SYT1: variants seen among roughly 807,000 people sequenced by gnomAD.
SYT1 encodes the protein synaptotagmin-1.
SYT1 carries 8 observed loss-of-function variants against 44.8 expected under a neutral mutation model. That is an observed-to-expected ratio of 0.18 (90% confidence interval 0.10 to 0.32). The LOEUF (loss-of-function observed/expected upper bound fraction) is 0.32, where lower values mean the gene tolerates loss of function less well. Among genes scored for constraint, SYT1 ranks in the 10% least tolerant of loss-of-function variants. SYT1 has a pLI of 1.00. For missense variants in SYT1, 286 were observed against 509.3 expected (o/e 0.56, Z 4.22); for synonymous variants, 154 against 188.8 (o/e 0.82, Z 1.51).
intron 4 of SYT1, among the ~76,000 whole-genome samples, chr12:79,256,543 C>A (rs1016535319): frequency 3.3e-5 from 5 of 152,094 alleles, no homozygotes; most frequent in African/African-American, 9.7e-5. Flanking sequence ...TACATGAGTT[C>A]TATTGAATAT....
At chr12:79,069,277 T>G (rs1193889064) in intron 3 of SYT1, among the ~76,000 whole-genome samples, 2 of 152,108 alleles carry the variant, frequency 1.3e-5, no homozygotes, top group Non-Finnish European at 2.9e-5. Flanking sequence ...AAACAAAACT[T>G]AAATCCATAA....
At chr12:79,371,152 A>C (rs894083620) in intron 9 of SYT1, among the ~76,000 whole-genome samples, 1 of 152,190 alleles carries the variant, frequency 6.6e-6, no homozygotes, top group Non-Finnish European at 1.5e-5. Flanking sequence ...CCATATATGA[A>C]TGAGAAAACT....
intron 3 of SYT1, among the ~76,000 whole-genome samples, chr12:79,172,856 A>C (rs1871612522): frequency 6.6e-6 from 1 of 151,400 alleles, no homozygotes; most frequent in African/African-American, 2.4e-5. Context: ...TCATTTGATA[A>C]TACTGGGTTT....
chr12:79,000,984 G>T (rs1592649025), intron 2 of SYT1, among the ~76,000 whole-genome samples: 1 of 152,044 alleles, frequency 6.6e-6, no homozygotes. Context: ...CAAATACATT[G>T]GATAATTGAA....
intron 2 of SYT1, among the ~76,000 whole-genome samples, chr12:79,029,377 G>C (rs550736309): frequency 9.3e-4 from 137 of 147,920 alleles, no homozygotes; most frequent in African/African-American, 3.1e-3. Flanking sequence ...AAAAAAAATA[G>C]GTAATTAAAG....
chr12:78,939,662 G>A (rs1309685787), intron 1 of SYT1, among the ~76,000 whole-genome samples: 1 of 152,074 alleles, frequency 6.6e-6, no homozygotes, highest in East Asian at 1.9e-4. Flanking sequence ...AGAGAAACTG[G>A]GACTCTAGAT....
At chr12:79,023,987 T>A (rs1475306925) in intron 2 of SYT1, among the ~76,000 whole-genome samples, 1 of 151,818 alleles carries the variant, frequency 6.6e-6, no homozygotes, top group African/African-American at 2.4e-5. Flanking sequence ...GCAATAGGAT[T>A]ACCTAACACA....
At chr12:79,003,047 A>G (rs79652633) in intron 2 of SYT1, among the ~76,000 whole-genome samples, 3,687 of 152,160 alleles carry the variant, frequency 0.024, 69 homozygotes, top group Middle Eastern at 0.078. Context: ...CTGCAAAATC[A>G]TTTAAGAAAA....
chr12:79,146,280 C>T (rs1474282012), intron 3 of SYT1, among the ~76,000 whole-genome samples: 2 of 152,118 alleles, frequency 1.3e-5, no homozygotes, highest in Non-Finnish European at 2.9e-5. Flanking sequence ...TAGAGTAGAA[C>T]GCAAGTTACA....
chr12:79,394,859 C>G (rs1181854337), intron 9 of SYT1, among the ~76,000 whole-genome samples: 1 of 152,168 alleles, frequency 6.6e-6, no homozygotes, highest in African/African-American at 2.4e-5. Flanking sequence ...AGTTTTTTCA[C>G]TATTAAATAC....
At chr12:79,019,441 TAC>T (rs1400628484) in intron 2 of SYT1, among the ~76,000 whole-genome samples, 1 of 151,948 alleles carries the variant, frequency 6.6e-6, no homozygotes, top group Non-Finnish European at 1.5e-5. Context: ...TAAACCAATC[TAC>T]ACATTGATAA....
At chr12:78,975,969 T>C (rs927839827) in intron 1 of SYT1, among the ~76,000 whole-genome samples, 2 of 152,140 alleles carry the variant, frequency 1.3e-5, no homozygotes, top group African/African-American at 4.8e-5. Context: ...TGTTTAATCA[T>C]CTCATGCTCA....
chr12:79,449,958 G>C lies in SYT1; in HGVS notation c.*834G>C, dbSNP rs1411165251. ...TGTGTGTGTGTGTGTGTGTGTGTGTGCACATTTGTTTGGGGATGGGGGAGA... is the reference window on the plus strand; with the variant it reads ...TGTGTGTGTGTGTGTGTGTGTGTGTCCACATTTGTTTGGGGATGGGGGAGA... On this transcript the variant is annotated 3_prime_UTR_variant, in exon 11 of 11. Coordinates refer to ENST00000261205, the MANE Select transcript of SYT1 (RefSeq NM_005639.3). 6.9e-6 allele frequency: 1 copy of C among 145,160 alleles called. No homozygotes were observed. Among genetic ancestry groups the C allele is most frequent in the African/African-American group, 2.6e-5 (1 of 39,068 alleles). The allele number at this position is 145,160 out of a possible 1,614,324, so 9.0% of individuals were successfully genotyped here.
chr12:78,919,214 G>T (rs1427661146), intron 1 of SYT1, among the ~76,000 whole-genome samples: 1 of 151,986 alleles, frequency 6.6e-6, no homozygotes, highest in Non-Finnish European at 1.5e-5. Flanking sequence ...GTTGTGACAG[G>T]TATAAAAGTT....
intron 9 of SYT1, among the ~76,000 whole-genome samples, chr12:79,381,638 T>C (rs192447947): frequency 1.3e-5 from 2 of 152,340 alleles, no homozygotes; most frequent in African/African-American, 2.4e-5. Context: ...CCTACACCTG[T>C]TGTCAGGCTA....
chr12:79,263,879 C>T (rs907829842), intron 4 of SYT1, among the ~76,000 whole-genome samples: 17 of 151,232 alleles, frequency 1.1e-4, no homozygotes, highest in Non-Finnish European at 2.1e-4. Flanking sequence ...TGAGCACAGA[C>T]AGCAGAAAAT....
intron 4 of SYT1, among the ~76,000 whole-genome samples, chr12:79,264,844 G>T (rs933543619): frequency 1.2e-4 from 19 of 152,104 alleles, no homozygotes; most frequent in Non-Finnish European, 2.5e-4. Flanking sequence ...CCCAAAGTTT[G>T]ATTTACTCAT....
intron 6 of SYT1, among the ~76,000 whole-genome samples, chr12:79,293,337 A>AAATAG (rs1879692813): frequency 2.0e-4 from 3 of 14,944 alleles, no homozygotes; most frequent in Non-Finnish European, 3.3e-4. Flanking sequence ...AAATAAAATA[A>AAATAG]AATAAAATAA....
intron 1 of SYT1, among the ~76,000 whole-genome samples, chr12:78,913,541 A>T (rs1423329031): frequency 6.6e-6 from 1 of 151,860 alleles, no homozygotes; most frequent in Admixed American, 6.6e-5. Flanking sequence ...TTAACTGAAA[A>T]ATATCCTGTA....
Sources: allele counts gnomAD v4.1 joint callset (sites outside exome capture counted in the v4.1 genomes callset), GRCh38; gene constraint gnomAD v4.1.1; transcripts MANE v1.5; gene names NCBI Gene and HGNC (gene_info 2026-07-23, HGNC 2026-07-21).